Variants in KIAA1217 observed in about 807,000 individuals in gnomAD.
KIAA1217 encodes the protein KIAA1217.
Under a neutral mutation model 163.9 loss-of-function variants are expected in KIAA1217, and 88 were observed. The ratio of observed to expected loss-of-function variants is 0.54; its 90% CI spans 0.45 to 0.64. The LOEUF is 0.64. Ranked by LOEUF, KIAA1217 falls within the 30% of genes least tolerant of loss-of-function variation. KIAA1217 has a pLI of 0.00. For synonymous variants in KIAA1217, 903 were observed against 923.1 expected (o/e 0.98, Z 0.39); for missense variants, 2,372 against 2,475.0 (o/e 0.96, Z 0.88).
chr10:23,933,927 T>C (rs1021597986), intron 1 of KIAA1217, among the ~76,000 whole-genome samples: 8 of 152,194 alleles, frequency 5.3e-5, no homozygotes, highest in African/African-American at 1.9e-4. Flanking sequence ...GAAACACTTT[T>C]ACACTGTTGG....
intron 1 of KIAA1217, among the ~76,000 whole-genome samples, chr10:23,782,636 T>C (rs770319836): frequency 1.4e-4 from 21 of 152,160 alleles, no homozygotes; most frequent in Admixed American, 1.2e-3. Flanking sequence ...TTTCACCATG[T>C]TGGCCAGGCT....
chr10:23,765,599 G>T (rs1834476518), intron 1 of KIAA1217, among the ~76,000 whole-genome samples: 1 of 152,154 alleles, frequency 6.6e-6, no homozygotes, highest in African/African-American at 2.4e-5. Context: ...GGATATGCTG[G>T]GAAGTGATCG....
intron 1 of KIAA1217, among the ~76,000 whole-genome samples, chr10:23,892,094 A>C (rs950333967): frequency 6.6e-6 from 1 of 152,002 alleles, no homozygotes; most frequent in Non-Finnish European, 1.5e-5. Context: ...AACACACACT[A>C]TATATTTCAT....
At position 24,473,465 on chromosome 10, in the gene KIAA1217, C is replaced by A. The variant is rs2063731138; in HGVS notation, c.1084C>A (p.Pro362Thr). ...CCTGCCAGTCTCCAGACCCATCTCT[C>A]CAAGCCCAAGCGCCATTTTAGAAAG... ...SSLPVSRPIS[P>T]SPSAILERRD... The change falls in exon 6 of 21, where the codon CCA becomes ACA. Residue 362 changes from proline to threonine, a missense_variant. Pro to Thr is a conservative substitution (Grantham distance 38). Around this residue, in one of 3 missense-constraint regions of KIAA1217, gnomAD observed 1,431 missense variants for 1,470.3 expected, o/e 0.97. Transcript: ENST00000376454. The A allele has an allele frequency of 6.2e-7, 1 of 1,614,078 alleles. No individual in the cohort carries two copies. The highest frequency in any genetic ancestry group is 8.5e-7 in the Non-Finnish European group (1 of 1,180,046).
upstream of KIAA1217, among the ~76,000 whole-genome samples, chr10:24,206,811 G>C (rs1325573818): frequency 6.6e-6 from 1 of 152,058 alleles, no homozygotes; most frequent in Admixed American, 6.5e-5. Context: ...CAGTGGGCTT[G>C]GCCCGTATGG....
chr10:23,986,839 T>TTAA (rs2131425956), intron 1 of KIAA1217, among the ~76,000 whole-genome samples: 1 of 152,308 alleles, frequency 6.6e-6, no homozygotes, highest in East Asian at 1.9e-4. Flanking sequence ...CTTAATTCAT[T>TTAA]CAACAAATAT....
At chr10:24,150,744 C>T (rs942769668) in intron 2 of KIAA1217, among the ~76,000 whole-genome samples, 2 of 152,078 alleles carry the variant, frequency 1.3e-5, no homozygotes, top group Admixed American at 1.3e-4. Flanking sequence ...TTAGGAATCT[C>T]CCCTCCTCCC....
At chr10:24,081,088 C>A (rs1226497208) in intron 2 of KIAA1217, among the ~76,000 whole-genome samples, 1 of 152,138 alleles carries the variant, frequency 6.6e-6, no homozygotes, top group South Asian at 2.1e-4. Context: ...AGCTGAAAAT[C>A]TTTTCTCCTG....
rs146974275 is a variant in KIAA1217 at position 23,868,722 on chromosome 10, AG to A, written c.-320-138502del. Among the ~76,000 whole-genome samples the A allele has an allele frequency of 2.1e-3, 318 of 152,282 alleles. 2 individuals are homozygous for A. Among genetic ancestry groups the A allele is most frequent in the African/African-American group, 7.5e-3 (310 of 41,578 alleles). ...AGGGCTGTCTATCCTTCTTGTTAGTAGAGCCTCCTGGCTCTCAGGCCTGCTG... is the reference window on the plus strand; with the variant it reads ...AGGGCTGTCTATCCTTCTTGTTAGTAAGCCTCCTGGCTCTCAGGCCTGCTG... On this transcript the variant is annotated intron_variant, in intron 1 of 18. Coordinates refer to the KIAA1217 transcript ENST00000376462.
intron 2 of KIAA1217, among the ~76,000 whole-genome samples, chr10:24,366,637 C>G (rs1310905984): frequency 6.6e-6 from 1 of 152,142 alleles, no homozygotes; most frequent in African/African-American, 2.4e-5. Context: ...GTGTGCCCTC[C>G]TGCATGGCAA....
chr10:24,428,233 A>G (rs1210655952), intron 3 of KIAA1217, among the ~76,000 whole-genome samples: 2 of 152,198 alleles, frequency 1.3e-5, no homozygotes, highest in African/African-American at 4.8e-5. Context: ...ATGGACCTCA[A>G]GAGCGGTTTT....
intron 8 of KIAA1217, 142 bp from the exon 9 acceptor site, chr10:24,501,237 G>A: frequency 1.4e-6 from 1 of 693,822 alleles, no homozygotes; most frequent in Middle Eastern, 2.5e-4. Context: ...CCATAACACT[G>A]TGTGATTCAT....
chr10:23,882,418 A>G (rs1840990422), intron 1 of KIAA1217, among the ~76,000 whole-genome samples: 1 of 151,946 alleles, frequency 6.6e-6, no homozygotes, highest in Admixed American at 6.6e-5. Context: ...AGAGAGAGGA[A>G]AGAATTGAAG....
chr10:24,473,167 G>A, intron 5 of KIAA1217, 61 bp from the exon 6 acceptor site: 1 of 1,215,552 alleles, frequency 8.2e-7, no homozygotes, highest in East Asian at 2.4e-5. Flanking sequence ...GTTACACACT[G>A]AGACTTCTCT....
chr10:23,863,059 A>C (rs191012128), intron 1 of KIAA1217, among the ~76,000 whole-genome samples: 89 of 152,218 alleles, frequency 5.8e-4, no homozygotes, highest in African/African-American at 2.1e-3. Flanking sequence ...AATTTTCTTC[A>C]TCTGTTTATA....
At chr10:23,820,924 A>T (rs192110713) in intron 1 of KIAA1217, among the ~76,000 whole-genome samples, 4 of 152,290 alleles carry the variant, frequency 2.6e-5, no homozygotes, top group Admixed American at 2.6e-4. Flanking sequence ...CCCCCTTTGT[A>T]CAAGAGATAT....
chr10:24,316,551 G>GTCAT (rs2043399136), intron 2 of KIAA1217, among the ~76,000 whole-genome samples: 1 of 152,100 alleles, frequency 6.6e-6, no homozygotes, highest in Admixed American at 6.5e-5. Flanking sequence ...CACCCCTAGT[G>GTCAT]GACTCGATCA....
chr10:24,063,756 A>T (rs1378926636), intron 2 of KIAA1217, among the ~76,000 whole-genome samples: 1 of 152,148 alleles, frequency 6.6e-6, no homozygotes, highest in Admixed American at 6.5e-5. Context: ...CATGATATTG[A>T]TTCTTCCTAC....
intron 2 of KIAA1217, among the ~76,000 whole-genome samples, chr10:24,172,776 T>A (rs753739157): frequency 2.1e-4 from 32 of 152,160 alleles, no homozygotes; most frequent in Non-Finnish European, 3.4e-4. Context: ...AGGCACTCCG[T>A]ATATTTTGTT....
Sources: gnomAD v4.1 joint callset for allele counts (sites outside exome capture counted in the v4.1 genomes callset) on GRCh38, gnomAD v4.1.1 for gene constraint, gnomAD v4.1.1 regional missense constraint, MANE v1.5 for transcripts, NCBI Gene and HGNC (gene_info 2026-07-23, HGNC 2026-07-21) for gene names.